VEPH1: variants seen among roughly 807,000 people sequenced by gnomAD.
The protein encoded by VEPH1 is ventricular zone-expressed PH domain-containing protein homolog 1.
VEPH1 carries 80 observed loss-of-function variants against 85.2 expected under a neutral mutation model. That is an observed-to-expected ratio of 0.94 (90% CI 0.78 to 1.13). The LOEUF (loss-of-function observed/expected upper bound fraction) is 1.13, where lower values mean the gene tolerates loss of function less well. VEPH1 is among the 50% of genes most tolerant of loss of function. The probability of loss-of-function intolerance (pLI) is 0.00; values close to 1 mark genes in which losing one functional copy is unlikely to be tolerated. For synonymous variants in VEPH1, 297 were observed against 348.0 expected, an observed-to-expected ratio of 0.85 and a Z score of 1.63; for missense variants, 955 against 980.5, an observed-to-expected ratio of 0.97 and a Z score of 0.35.
chr3:157,262,833 A>G (rs1347600521), intron 13 of VEPH1, among the ~76,000 whole-genome samples: 2 of 152,244 alleles, frequency 1.3e-5, no homozygotes, highest in African/African-American at 2.4e-5. Flanking sequence ...GTTTGAAGAC[A>G]TACACACTAG....
intron 2 of VEPH1, among the ~76,000 whole-genome samples, chr3:157,491,183 T>C (rs1208276206): frequency 6.6e-6 from 1 of 152,126 alleles, no homozygotes; most frequent in African/African-American, 2.4e-5. Flanking sequence ...AAAAGAGACA[T>C]GCAGGGATTT....
At chr3:157,271,108 AC>A (rs1315383742) in intron 12 of VEPH1, among the ~76,000 whole-genome samples, 2 of 152,108 alleles carry the variant, frequency 1.3e-5, no homozygotes, top group Non-Finnish European at 2.9e-5. Context: ...GCTCTCGAAC[AC>A]CCCTCATGGG....
At chr3:157,455,423 C>T (rs958275838) in intron 4 of VEPH1, among the ~76,000 whole-genome samples, 72 of 86,802 alleles carry the variant, frequency 8.3e-4, no homozygotes, top group Non-Finnish European at 2.6e-4. Context: ...ATGTCCTTTG[C>T]CGCCTTTTTT....
At chr3:157,472,332 A>T (rs2165873) in intron 2 of VEPH1, among the ~76,000 whole-genome samples, 26,042 of 152,246 alleles carry the variant, frequency 0.17, 2,856 homozygotes, top group East Asian at 0.36. Flanking sequence ...GGAAATAAGT[A>T]GAAATGTACA....
At position 157,480,598 on chromosome 3, in the gene VEPH1, T is replaced by C. The variant is rs533599099; in HGVS notation, c.139-10069A>G. ...TAGTTCACTTAGGATAAATGGCCTC[T>C]AGTTGCATCCATGTTGCTGCAAAGG... On this transcript the variant is annotated intron_variant, in intron 2 of 13. Coordinates refer to ENST00000362010, the MANE Select transcript of VEPH1 (RefSeq NM_001167912.2). Among the ~76,000 whole-genome samples the C allele has an allele frequency of 2.6e-5, 4 of 152,262 alleles. No homozygotes were observed. The South Asian group carries it at 6.2e-4, about 24-fold the overall frequency.
At chr3:157,422,952 C>T (rs1164967569) in intron 5 of VEPH1, among the ~76,000 whole-genome samples, 19 of 152,140 alleles carry the variant, frequency 1.2e-4, no homozygotes, top group Admixed American at 1.2e-3. Flanking sequence ...CTGGTGAGCC[C>T]CAATTGCCAA....
chr3:157,272,354 C>G (rs6771055), intron 12 of VEPH1, among the ~76,000 whole-genome samples: 1 of 142,178 alleles, frequency 7.0e-6, no homozygotes, highest in South Asian at 2.3e-4. Flanking sequence ...CTTTTTCTCT[C>G]TCTTTCTTTC....
At chr3:157,280,038 C>G (rs1275846269) in intron 12 of VEPH1, among the ~76,000 whole-genome samples, 1 of 145,324 alleles carries the variant, frequency 6.9e-6, no homozygotes, top group Admixed American at 6.8e-5. Flanking sequence ...AAAAAAGGAC[C>G]AGTATAGTAC....
intron 3 of VEPH1, among the ~76,000 whole-genome samples, chr3:157,467,219 C>T (rs1736469381): frequency 6.6e-6 from 1 of 150,884 alleles, no homozygotes; most frequent in Non-Finnish European, 1.5e-5. Context: ...GCCAAGGGTG[C>T]AGGAAGAAGA....
intron 13 of VEPH1, among the ~76,000 whole-genome samples, chr3:157,263,526 G>A (rs1713194938): frequency 6.8e-6 from 1 of 147,914 alleles, no homozygotes; most frequent in Admixed American, 6.6e-5. Context: ...GAAAATTCAG[G>A]TAGTCATTTT....
chr3:157,368,466 TAAAC>T (rs1487497105), intron 7 of VEPH1, among the ~76,000 whole-genome samples: 1 of 144,148 alleles, frequency 6.9e-6, no homozygotes, highest in East Asian at 2.1e-4. Flanking sequence ...GAATTTCAGA[TAAAC>T]AATAAGTTTT....
At chr3:157,290,889 A>C (rs1488092032) in intron 11 of VEPH1, among the ~76,000 whole-genome samples, 3 of 152,240 alleles carry the variant, frequency 2.0e-5, no homozygotes, top group Non-Finnish European at 4.4e-5. Flanking sequence ...TAGAAAGATG[A>C]GAGATTTACA....
intron 9 of VEPH1, among the ~76,000 whole-genome samples, chr3:157,347,114 G>C (rs188088303): frequency 1.4e-4 from 21 of 152,036 alleles, no homozygotes; most frequent in Non-Finnish European, 2.8e-4. Flanking sequence ...AAATACTGTA[G>C]GAATACAAAG....
intron 4 of VEPH1, among the ~76,000 whole-genome samples, chr3:157,433,140 T>C (rs982353426): frequency 8.5e-5 from 13 of 152,176 alleles, no homozygotes; most frequent in African/African-American, 2.7e-4. Flanking sequence ...TTTTTCTTTA[T>C]GTAGATGATC....
chr3:157,314,330 C>CA (rs34703314), intron 10 of VEPH1, among the ~76,000 whole-genome samples: 3,527 of 42,900 alleles, frequency 0.082, 626 homozygotes, highest in Non-Finnish European at 0.14. Flanking sequence ...GAGGATCCGT[C>CA]AAAAAAAAAA....
rs1460185731 is a variant in VEPH1, at chr3:157,496,187, G to T, written c.-157-681C>A. On this transcript the variant is annotated intron_variant, in intron 1 of 13. Coordinates refer to ENST00000362010, the MANE Select transcript of VEPH1 (RefSeq NM_001167912.2). ...TGATAGCCTTGCCATGTGGGCTAAA[G>T]AGGAGGGCTTTGGGATCAGGCAACT... Among the ~76,000 whole-genome samples, 3 of 152,254 alleles carry T rather than the reference G, an allele frequency of 2.0e-5. No individual in the cohort carries two copies. The East Asian group carries it at 5.8e-4, about 29-fold the overall frequency.
chr3:157,366,669 A>G (rs951934834), intron 7 of VEPH1, among the ~76,000 whole-genome samples: 43 of 152,100 alleles, frequency 2.8e-4, no homozygotes, highest in African/African-American at 9.4e-4. Flanking sequence ...TGGGAGGCAG[A>G]GGTTGCAGTG....
At chr3:157,406,580 G>A (rs1178409511) in intron 6 of VEPH1, among the ~76,000 whole-genome samples, 1 of 142,326 alleles carries the variant, frequency 7.0e-6, no homozygotes, top group East Asian at 2.2e-4. Context: ...CTGGTGCTTG[G>A]CCAGCATATT....
intron 6 of VEPH1, among the ~76,000 whole-genome samples, chr3:157,401,687 C>T (rs1194947270): frequency 1.3e-5 from 2 of 151,868 alleles, no homozygotes. Context: ...CCTTACCCAC[C>T]AAACCTTCTA....
Sources: allele counts gnomAD v4.1 joint callset (sites outside exome capture counted in the v4.1 genomes callset), GRCh38; gene constraint gnomAD v4.1.1; transcripts MANE v1.5; gene names NCBI Gene and HGNC (gene_info 2026-07-23, HGNC 2026-07-21).